Variants in AKR1C8 observed in about 807,000 individuals in gnomAD.
The protein encoded by AKR1C8 is aldo-keto reductase family 1 member C-like protein 1.
the AKR1C8 span, chr10:5,135,031 A>G: frequency 6.4e-6 from 1 of 156,612 alleles, no homozygotes; most frequent in South Asian, 1.9e-4. Flanking sequence ...ATTAAAACAG[A>G]CCAGGTGAGT....
At chr10:5,156,942 G>T in the AKR1C8 span, among the ~76,000 whole-genome samples, 8 of 152,156 alleles carry the variant, frequency 5.3e-5, no homozygotes, top group Admixed American at 1.3e-4. Flanking sequence ...AACAAAATAA[G>T]TTGGAGACCT....
the AKR1C8 span, among the ~76,000 whole-genome samples, chr10:5,127,696 G>A: frequency 7.8e-6 from 1 of 128,630 alleles, no homozygotes; most frequent in East Asian, 2.3e-4. Context: ...CACTCCAGCA[G>A]CCTGGGCAAC....
the AKR1C8 span, among the ~76,000 whole-genome samples, chr10:5,148,044 A>AT: frequency 6.6e-6 from 1 of 151,500 alleles, no homozygotes; most frequent in African/African-American, 2.4e-5. Context: ...CTTTTTTTGT[A>AT]TTTTTCTACT....
the AKR1C8 span, among the ~76,000 whole-genome samples, chr10:5,159,219 T>C: frequency 6.6e-6 from 1 of 152,164 alleles, no homozygotes; most frequent in African/African-American, 2.4e-5. Flanking sequence ...TTGGCTAAAA[T>C]TCATAAATTC....
chr10:5,157,764 C>T, the AKR1C8 span: 35 of 471,554 alleles, frequency 7.4e-5, no homozygotes, highest in Non-Finnish European at 1.3e-4. Context: ...ATTTCAAGAT[C>T]GGCTCCTCCA....
chr10:5,137,888 A>G, the AKR1C8 span, among the ~76,000 whole-genome samples: 2 of 152,128 alleles, frequency 1.3e-5, no homozygotes, highest in African/African-American at 2.4e-5. Flanking sequence ...GTGTAAGAAC[A>G]GGGAATAGGT....
At chr10:5,137,827 C>T in the AKR1C8 span, among the ~76,000 whole-genome samples, 1 of 152,210 alleles carries the variant, frequency 6.6e-6, no homozygotes. Context: ...TGATGCCTGC[C>T]TGAGCCTCAA....
the AKR1C8 span, among the ~76,000 whole-genome samples, chr10:5,148,004 C>A: frequency 6.6e-6 from 1 of 152,166 alleles, no homozygotes; most frequent in African/African-American, 2.4e-5. Context: ...ACTCTTGTGC[C>A]ACAGAGATAT....
chr10:5,178,914 G>T, the AKR1C8 span, among the ~76,000 whole-genome samples: 13,063 of 152,026 alleles, frequency 0.086, 675 homozygotes, highest in East Asian at 0.14. Flanking sequence ...CACACTGATG[G>T]GTCTTGACTC....
the AKR1C8 span, among the ~76,000 whole-genome samples, chr10:5,122,878 C>A: frequency 2.0e-5 from 3 of 151,752 alleles, no homozygotes; most frequent in East Asian, 5.8e-4. Context: ...ACAGGTACTA[C>A]TATAAAGAAA....
chr10:5,159,766 G>A, the AKR1C8 span: 1 of 465,550 alleles, frequency 2.1e-6, no homozygotes, highest in Non-Finnish European at 4.4e-6. Context: ...CTATTTCTGA[G>A]AGAAAAGAAC....
the AKR1C8 span, among the ~76,000 whole-genome samples, chr10:5,172,192 A>T: frequency 6.6e-6 from 1 of 152,078 alleles, no homozygotes; most frequent in African/African-American, 2.4e-5. Context: ...CAGGAGGCCT[A>T]ATTACTTTTA....
At chr10:5,116,827 C>G in the AKR1C8 span, among the ~76,000 whole-genome samples, 2 of 152,176 alleles carry the variant, frequency 1.3e-5, no homozygotes, top group Non-Finnish European at 2.9e-5. Context: ...CATGCAGAAC[C>G]ATCTGTGAAT....
At chr10:5,168,861 A>G in the AKR1C8 span, among the ~76,000 whole-genome samples, 1 of 152,266 alleles carries the variant, frequency 6.6e-6, no homozygotes, top group East Asian at 1.9e-4. Flanking sequence ...TCTGATGTAC[A>G]TATTAAAAGA....
chr10:5,149,404 C>T, the AKR1C8 span, among the ~76,000 whole-genome samples: 1 of 152,060 alleles, frequency 6.6e-6, no homozygotes, highest in Non-Finnish European at 1.5e-5. Flanking sequence ...GTTCAATAGG[C>T]TCTTTATAAA....
the AKR1C8 span, among the ~76,000 whole-genome samples, chr10:5,126,169 C>T: frequency 6.6e-5 from 10 of 152,080 alleles, no homozygotes; most frequent in Admixed American, 2.6e-4. Context: ...CTTCTTTCCC[C>T]CCTTGTCCAT....
chr10:5,175,673 T>C, the AKR1C8 span, among the ~76,000 whole-genome samples: 4 of 152,226 alleles, frequency 2.6e-5, no homozygotes, highest in Non-Finnish European at 5.9e-5. Flanking sequence ...CCATTCTAAC[T>C]GGTGTGAGAT....
chr10:5,141,731 T>C, the AKR1C8 span, among the ~76,000 whole-genome samples: 1 of 152,196 alleles, frequency 6.6e-6, no homozygotes, highest in Admixed American at 6.6e-5. Context: ...ATCTCTATTT[T>C]TGAGCAGGTT....
the AKR1C8 span, chr10:5,155,607 G>A: frequency 2.5e-6 from 1 of 392,864 alleles, no homozygotes; most frequent in South Asian, 2.0e-5. Context: ...ATGTAGGGAA[G>A]ATGTGTTCCC....
Sources: gnomAD v4.1 joint callset for allele counts (sites outside exome capture counted in the v4.1 genomes callset) on GRCh38, gnomAD v4.1.1 for gene constraint, MANE v1.5 for transcripts, NCBI Gene and HGNC (gene_info 2026-07-23, HGNC 2026-07-21) for gene names.